EIF3H: variants seen among roughly 807,000 people sequenced by gnomAD.
EIF3H encodes eukaryotic translation initiation factor 3 subunit H.
Under a neutral mutation model 44.2 loss-of-function variants are expected in EIF3H, and 26 were observed. That is an observed-to-expected ratio of 0.59 (90% CI 0.43 to 0.82). The LOEUF (loss-of-function observed/expected upper bound fraction) is 0.82. EIF3H is among the 40% of genes least tolerant of loss of function. The probability of loss-of-function intolerance (pLI) is 0.00; values close to 1 mark genes in which losing one functional copy is unlikely to be tolerated. For missense variants in EIF3H, 359 were observed against 432.8 expected (o/e 0.83, Z 1.51); for synonymous variants, 166 against 151.9 (o/e 1.09, Z -0.68).
chr8:116,703,035 G>C (rs1381052536), intron 2 of EIF3H, among the ~76,000 whole-genome samples: 3 of 152,122 alleles, frequency 2.0e-5, no homozygotes, highest in Non-Finnish European at 4.4e-5. Context: ...CAGGTGCCAA[G>C]GCAAGAGACT....
At chr8:116,686,905 T>C (rs988701689) in intron 2 of EIF3H, among the ~76,000 whole-genome samples, 2 of 152,046 alleles carry the variant, frequency 1.3e-5, no homozygotes, top group African/African-American at 4.8e-5. Context: ...TTATACTATA[T>C]ATAGGAGAAA....
intron 1 of EIF3H, among the ~76,000 whole-genome samples, chr8:116,739,157 A>G (rs780362476): frequency 6.6e-6 from 1 of 152,228 alleles, no homozygotes; most frequent in Non-Finnish European, 1.5e-5. Context: ...CTCAAACCAC[A>G]AACAACAGCA....
chr8:116,760,012 C>T (rs147220718), upstream of EIF3H, among the ~76,000 whole-genome samples: 206 of 152,270 alleles, frequency 1.4e-3, no homozygotes, highest in African/African-American at 4.8e-3. Flanking sequence ...ATTATGGGTG[C>T]GAGCCACCAT....
intron 1 of EIF3H, among the ~76,000 whole-genome samples, chr8:116,752,851 GAAA>G (rs141864377): frequency 1.5e-5 from 2 of 133,742 alleles, no homozygotes; most frequent in African/African-American, 3.1e-5. Flanking sequence ...GAAAAGAAAA[GAAA>G]AAAGAGAGAG....
chr8:116,713,227 C>T (rs1814604335), intron 2 of EIF3H, among the ~76,000 whole-genome samples: 2 of 152,024 alleles, frequency 1.3e-5, no homozygotes, highest in Admixed American at 1.3e-4. Context: ...GCACTGTATC[C>T]ACCTGTAATT....
rs1813272668 is a variant in EIF3H at position 116,644,768 on chromosome 8, A to C, written c.*238T>G. 4.5e-6 allele frequency: 2 copies of C among 447,708 alleles called. No homozygotes were observed. Among genetic ancestry groups the C allele is most frequent in the East Asian group, 6.9e-5 (2 of 28,990 alleles). 27.7% of individuals were successfully genotyped at this position (447,708 alleles called of 1,614,324 possible). A position where few individuals can be genotyped will look rare whatever the true frequency, so the allele number is the denominator to read the frequency against. On this transcript the variant is annotated 3_prime_UTR_variant, in exon 8 of 8. Transcript: ENST00000521861. ...AGGGCTTGTTTTAGCTTTTAGAAAT[A>C]AACAAGTATAAGCAAACAAAAGTAA...
intron 1 of EIF3H, among the ~76,000 whole-genome samples, chr8:116,746,442 A>T (rs1815237142): frequency 1.3e-5 from 2 of 152,232 alleles, no homozygotes; most frequent in South Asian, 4.1e-4. Context: ...TAATAAATAC[A>T]CAATACTTAA....
At chr8:116,707,067 T>C (rs1406979982) in intron 2 of EIF3H, among the ~76,000 whole-genome samples, 1 of 152,240 alleles carries the variant, frequency 6.6e-6, no homozygotes, top group African/African-American at 2.4e-5. Flanking sequence ...GTTTTCAACA[T>C]GTTATTCCAG....
intron 5 of EIF3H, among the ~76,000 whole-genome samples, chr8:116,655,363 T>C (rs1045929721): frequency 2.6e-5 from 4 of 151,134 alleles, no homozygotes; most frequent in Admixed American, 6.6e-5. Flanking sequence ...GTTCAGAAAA[T>C]TCAAATTTTA....
intron 2 of EIF3H, among the ~76,000 whole-genome samples, chr8:116,721,620 C>T (rs1299781848): frequency 6.6e-6 from 1 of 152,222 alleles, no homozygotes; most frequent in Admixed American, 6.5e-5. Flanking sequence ...GAGGTTGTAC[C>T]CTGCAATGCC....
intron 1 of EIF3H, chr8:116,734,411 T>C: frequency 2.2e-6 from 1 of 455,290 alleles, no homozygotes; most frequent in Non-Finnish European, 4.4e-6. Flanking sequence ...ATAAAAATGC[T>C]AATATTTACA....
chr8:116,657,110 G>T, intron 4 of EIF3H, 105 bp downstream of exon 4: 1 of 969,638 alleles, frequency 1.0e-6, no homozygotes, highest in South Asian at 1.3e-5. Context: ...CAGTCCACAT[G>T]GCAAAAGCAT....
At chr8:116,750,575 A>G (rs1225586707) in intron 1 of EIF3H, among the ~76,000 whole-genome samples, 5 of 151,758 alleles carry the variant, frequency 3.3e-5, no homozygotes, top group African/African-American at 7.3e-5. Context: ...ACGCCCGACT[A>G]ATTTTTTGTA....
chr8:116,754,025 T>C (rs1815401058), intron 1 of EIF3H, among the ~76,000 whole-genome samples: 1 of 152,188 alleles, frequency 6.6e-6, no homozygotes, highest in African/African-American at 2.4e-5. Context: ...TTGCAATCTC[T>C]AAAGATACGT....
chr8:116,691,337 T>C (rs1814170085), intron 2 of EIF3H, among the ~76,000 whole-genome samples: 1 of 152,134 alleles, frequency 6.6e-6, no homozygotes, highest in Non-Finnish European at 1.5e-5. Context: ...CCCAAGCTCC[T>C]ACAAACCTGG....
chr8:116,763,005 C>G (rs576993890), intron 1 of EIF3H, among the ~76,000 whole-genome samples: 2 of 152,286 alleles, frequency 1.3e-5, no homozygotes, highest in East Asian at 3.9e-4. Context: ...GCACATTACA[C>G]TCCAGAATAA....
upstream of EIF3H, chr8:116,755,839 G>T: frequency 6.2e-7 from 1 of 1,606,574 alleles, no homozygotes. Context: ...TGAGTTACCG[G>T]AAGCGGAAGT....
intron 2 of EIF3H, among the ~76,000 whole-genome samples, chr8:116,680,985 AG>A (rs1195568604): frequency 8.1e-4 from 120 of 149,016 alleles, no homozygotes; most frequent in African/African-American, 2.7e-3. Context: ...AAAAAAAAAA[AG>A]AGTTTACAGT....
chr8:116,687,294 T>C (rs1270160092), intron 2 of EIF3H, among the ~76,000 whole-genome samples: 1 of 152,196 alleles, frequency 6.6e-6, no homozygotes, highest in African/African-American at 2.4e-5. Context: ...CCAGGAAGAA[T>C]TTTAGGCCAG....
Sources: allele counts gnomAD v4.1 joint callset (sites outside exome capture counted in the v4.1 genomes callset), GRCh38; gene constraint gnomAD v4.1.1; transcripts MANE v1.5; gene names NCBI Gene and HGNC (gene_info 2026-07-23, HGNC 2026-07-21).